The following ALDH8A1 variants were observed in gnomAD, a reference collection of about 807,000 sequenced individuals.
ALDH8A1 encodes the protein 2-aminomuconic semialdehyde dehydrogenase.
A neutral mutation model predicts 43.3 loss-of-function variants in ALDH8A1; 39 were observed. The ratio of observed to expected loss-of-function variants is 0.90; its 90% CI spans 0.70 to 1.18. ALDH8A1 has a LOEUF of 1.18. Among genes scored for constraint, ALDH8A1 ranks in the 50% most tolerant of loss-of-function variants. ALDH8A1 has a pLI of 0.00. For missense variants in ALDH8A1, 605 were observed against 622.6 expected, an observed-to-expected ratio of 0.97 and a Z score of 0.30; for synonymous variants, 233 against 243.5, an observed-to-expected ratio of 0.96 and a Z score of 0.40.
intron 4 of ALDH8A1, among the ~76,000 whole-genome samples, chr6:134,936,225 A>G (rs1773735238): frequency 6.6e-6 from 1 of 152,238 alleles, no homozygotes; most frequent in South Asian, 2.1e-4. Context: ...TGCTGGGATT[A>G]CAGGCATAAG....
chr6:134,942,987 ATGACCTCC>A (rs1773884455), intron 2 of ALDH8A1, among the ~76,000 whole-genome samples: 1 of 152,248 alleles, frequency 6.6e-6, no homozygotes, highest in African/African-American at 2.4e-5. Flanking sequence ...TGTGTATTTC[ATGACCTCC>A]CCACACATGG....
intron 1 of ALDH8A1, among the ~76,000 whole-genome samples, chr6:134,945,425 G>A (rs1773933665): frequency 6.6e-6 from 1 of 152,260 alleles, no homozygotes. Context: ...TCCTTTTAGA[G>A]TTACATACAA....
chr6:134,938,796 C>T (rs1773796645), intron 4 of ALDH8A1, among the ~76,000 whole-genome samples: 1 of 151,936 alleles, frequency 6.6e-6, no homozygotes, highest in Non-Finnish European at 1.5e-5. Flanking sequence ...TACAGGCGCC[C>T]GCCACCACGC....
intron 3 of ALDH8A1, among the ~76,000 whole-genome samples, chr6:134,941,632 C>T (rs563108308): frequency 3.9e-5 from 6 of 152,146 alleles, no homozygotes; most frequent in East Asian, 2.0e-4. Flanking sequence ...TCAGGCGATC[C>T]GCCAATCTTG....
intron 6 of ALDH8A1, 120 bp from the exon 7 acceptor site, chr6:134,918,987 T>A: frequency 8.8e-7 from 1 of 1,136,316 alleles, no homozygotes; most frequent in Non-Finnish European, 1.2e-6. Flanking sequence ...CTAAGAAATC[T>A]ATGGTCGATT....
At chr6:134,920,540 G>A (rs1776782046) in intron 6 of ALDH8A1, among the ~76,000 whole-genome samples, 1 of 152,162 alleles carries the variant, frequency 6.6e-6, no homozygotes, top group Non-Finnish European at 1.5e-5. Context: ...AGACCATTAT[G>A]TCGAATGTGA....
chr6:134,924,601 G>C (rs922097905), intron 6 of ALDH8A1, among the ~76,000 whole-genome samples: 6 of 152,052 alleles, frequency 3.9e-5, no homozygotes, highest in African/African-American at 1.4e-4. Context: ...TAATCTTCTG[G>C]CATTCATTCC....
At position 134,948,010 on chromosome 6, in the gene ALDH8A1, C is replaced by T. The variant is rs562691804; in HGVS notation, c.138+1906G>A. ...GATATGGACTCAACCTAATGTCCAT[C>T]AACAGCTGAATGGATAAAGAAAATA... is the stretch of plus-strand genomic sequence containing the variant. On this transcript the variant is annotated intron_variant, in intron 1 of 6. Coordinates refer to ENST00000265605, the MANE Select transcript of ALDH8A1 (RefSeq NM_022568.4). Among the ~76,000 whole-genome samples the T allele has an allele frequency of 2.6e-5, 4 of 152,228 alleles. No individual in the cohort carries two copies. The South Asian group carries it at 6.2e-4, about 24-fold the overall frequency.
chr6:134,944,194 A>C, intron 1 of ALDH8A1: 2 of 475,832 alleles, frequency 4.2e-6, no homozygotes, highest in Non-Finnish European at 7.3e-6. Context: ...CAGCCTCCTG[A>C]GCAGCTGGGA....
chr6:134,928,996 T>C (rs528026389), intron 6 of ALDH8A1, 58 bp downstream of exon 6: 108 of 1,581,960 alleles, frequency 6.8e-5, no homozygotes, highest in Non-Finnish European at 8.1e-5. Context: ...ATGCCTGTAC[T>C]GAGCTTCTCT....
At chr6:134,931,286 G>A (rs1776981450) in intron 5 of ALDH8A1, among the ~76,000 whole-genome samples, 1 of 152,058 alleles carries the variant, frequency 6.6e-6, no homozygotes, top group South Asian at 2.1e-4. Context: ...TTTTTGAGAT[G>A]GATTCTTGCT....
At position 134,918,773 on chromosome 6, in the gene ALDH8A1, G is replaced by A; in HGVS notation, c.1106C>T (p.Ala369Val). The part of the protein sequence containing the change: ...DKLSLPARNQ[A>V]GYFMLPTVIT... Reference sequence around the variant, plus strand: ...CACCGTGGGAAGCATAAAGTAGCCTGCCTGGTTCCTGGCAGGGAGGCTCAA... The same window carrying A: ...CACCGTGGGAAGCATAAAGTAGCCTACCTGGTTCCTGGCAGGGAGGCTCAA... The change falls in exon 7 of 7, where the codon GCA (alanine) becomes GTA (valine). Residue 369 changes from alanine (A) to valine (V), a missense_variant. Physicochemically the swap from Ala to Val is moderately conservative, Grantham distance 64 (BLOSUM62 0). Transcript: ENST00000265605. 1.2e-6 allele frequency: 2 copies of A among 1,614,188 alleles called. No homozygotes were observed. The highest frequency in any genetic ancestry group is 2.2e-5 in the East Asian group (1 of 44,882).
chr6:134,934,370 G>A lies in ALDH8A1; in HGVS notation c.593-1338C>T, dbSNP rs764948470. Reference sequence around the variant, plus strand: ...GAAATGGATAATCTATTCCTTTATCGCCTTTAGCTAACCATCTGAAACTGC... The same window carrying A: ...GAAATGGATAATCTATTCCTTTATCACCTTTAGCTAACCATCTGAAACTGC... On this transcript the variant is annotated intron_variant, in intron 4 of 6. Transcript: ENST00000265605. Among the ~76,000 whole-genome samples, 8 of 152,158 alleles carry A rather than the reference G, an allele frequency of 5.3e-5. No homozygotes were observed. The East Asian group carries it at 5.8e-4, about 11-fold the overall frequency.
At position 134,917,544 on chromosome 6, in the gene ALDH8A1, A is replaced by G. The variant is rs1401537965; in HGVS notation, c.*871T>C. ...CTCTTCTTGTTCCAAGTTTCCTCCA[A>G]AAGTAGTAGTTATTTTGTTTTTCTT... On this transcript the variant is annotated 3_prime_UTR_variant, in exon 7 of 7. Coordinates refer to ENST00000265605, the MANE Select transcript of ALDH8A1 (RefSeq NM_022568.4). The G allele has an allele frequency of 6.6e-6, 1 of 152,196 alleles. No individual in the cohort carries two copies. Among genetic ancestry groups the G allele is most frequent in the African/African-American group, 2.4e-5 (1 of 41,452 alleles). 9.4% of individuals were successfully genotyped at this position (152,196 alleles called of 1,614,324 possible).
chr6:134,946,800 A>C (rs1016024677), intron 1 of ALDH8A1, among the ~76,000 whole-genome samples: 3 of 150,966 alleles, frequency 2.0e-5, no homozygotes, highest in Non-Finnish European at 4.4e-5. Flanking sequence ...ACAGGTGCGC[A>C]TGTGTGCGTG....
chr6:134,940,806 C>T (rs1773839462), intron 3 of ALDH8A1, among the ~76,000 whole-genome samples: 1 of 152,086 alleles, frequency 6.6e-6, no homozygotes, highest in Admixed American at 6.5e-5. Context: ...ATTAAATTTC[C>T]CACTGAAAAA....
chr6:134,937,488 G>A (rs1773763011), intron 4 of ALDH8A1, among the ~76,000 whole-genome samples: 1 of 152,222 alleles, frequency 6.6e-6, no homozygotes, highest in Non-Finnish European at 1.5e-5. Flanking sequence ...AGTTTAATGG[G>A]CTTACTAGTT....
chr6:134,934,163 A>C (rs1045461524), intron 4 of ALDH8A1, among the ~76,000 whole-genome samples: 3 of 152,120 alleles, frequency 2.0e-5, no homozygotes, highest in Non-Finnish European at 4.4e-5. Flanking sequence ...TAAAATCCTA[A>C]GCTCCCCCAG....
Position 134,939,254 on chromosome 6 carries a change from A to G in ALDH8A1, c.592+12T>C, listed in dbSNP as rs1239517797. The G allele has an allele frequency of 3.7e-6, 6 of 1,613,320 alleles. No homozygotes were observed. The highest frequency in any genetic ancestry group is 5.1e-6 in the Non-Finnish European group (6 of 1,179,290). On this transcript the variant is annotated intron_variant, in intron 4 of 6. Transcript: ENST00000265605. ...ACTCTGTGCCTGCCCCCCAACCCCA[A>G]CACCTAATTACCTGCTTTATCCAGG... is the stretch of plus-strand genomic sequence containing the variant.
Sources: gnomAD v4.1 joint callset for allele counts (sites outside exome capture counted in the v4.1 genomes callset) on GRCh38, gnomAD v4.1.1 for gene constraint, MANE v1.5 for transcripts, NCBI Gene and HGNC (gene_info 2026-07-23, HGNC 2026-07-21) for gene names.